FGF14: variants seen among roughly 807,000 people sequenced by gnomAD.
The protein encoded by FGF14 is fibroblast growth factor 14, also known as fibroblast growth factor homologous factor 4.
Under a neutral mutation model 25.5 loss-of-function variants are expected in FGF14, and 5 were observed. The observed-to-expected ratio is 0.20, with a 90% CI of 0.10 to 0.41. The LOEUF is 0.41. FGF14 is among the 10% of genes least tolerant of loss of function. The pLI, the probability that FGF14 is intolerant of heterozygous loss-of-function variation, is 1.00. For missense variants in FGF14, 222 were observed against 320.1 expected, an observed-to-expected ratio of 0.69 and a Z score of 2.34; for synonymous variants, 138 against 118.3, an observed-to-expected ratio of 1.17 and a Z score of -1.08.
chr13:102,200,134 AAC>A (rs368764603), intron 1 of FGF14, among the ~76,000 whole-genome samples: 5 of 152,108 alleles, frequency 3.3e-5, no homozygotes, highest in East Asian at 3.9e-4. Flanking sequence ...TGAAATTGTG[AAC>A]ACACACACAC....
intron 1 of FGF14, among the ~76,000 whole-genome samples, chr13:101,950,730 T>TTGCGCCACTGCAG (rs2036105780): frequency 6.7e-6 from 1 of 149,814 alleles, no homozygotes; most frequent in African/African-American, 2.5e-5. Flanking sequence ...GATCATCCTA[T>TTGCGCCACTGCAG]TAAACAGAAA....
At chr13:101,812,958 T>G (rs1291575424) in intron 3 of FGF14, among the ~76,000 whole-genome samples, 1 of 152,194 alleles carries the variant, frequency 6.6e-6, no homozygotes, top group South Asian at 2.1e-4. Context: ...TGAGCCACCA[T>G]GCCCAGCTAA....
chr13:102,234,666 G>A (rs952745486), intron 1 of FGF14, among the ~76,000 whole-genome samples: 6 of 152,164 alleles, frequency 3.9e-5, no homozygotes, highest in African/African-American at 1.4e-4. Context: ...TATCTTCACA[G>A]TGTTCAGAAT....
chr13:102,295,926 C>A lies in FGF14; in HGVS notation c.208+105545G>T, dbSNP rs532695072. 8.5e-5 allele frequency among the ~76,000 whole-genome samples: 13 copies of A among 152,152 alleles called. No homozygotes were observed. The South Asian group carries it at 2.5e-3, about 29-fold the overall frequency. ...ATAGATTCCTGAGTTCCCTATCCAT[C>A]CAAAATGGAGTTGAAAAATAAAGTC... On this transcript the variant is annotated intron_variant, in intron 1 of 4. Transcript: ENST00000376131.
chr13:102,008,605 C>CT (rs2039924848), intron 1 of FGF14, among the ~76,000 whole-genome samples: 1 of 152,088 alleles, frequency 6.6e-6, no homozygotes, highest in Non-Finnish European at 1.5e-5. Flanking sequence ...AATTGACAGC[C>CT]TTTAAATAAC....
intron 3 of FGF14, among the ~76,000 whole-genome samples, chr13:101,820,759 TACACACACACACCACACACCACACAC>T (rs2042077387): frequency 1.2e-5 from 1 of 84,694 alleles, no homozygotes; most frequent in Non-Finnish European, 3.1e-5. Flanking sequence ...ACAGCTACAG[TACACACACACACCACACACCACACAC>T]ACACACACAC....
At chr13:101,956,988 G>A (rs1344815798) in intron 1 of FGF14, among the ~76,000 whole-genome samples, 2 of 151,914 alleles carry the variant, frequency 1.3e-5, no homozygotes, top group African/African-American at 4.8e-5. Flanking sequence ...AGAGAATAAT[G>A]AGACCATAGC....
At chr13:101,803,056 C>T (rs1020366120) in intron 3 of FGF14, among the ~76,000 whole-genome samples, 1 of 151,482 alleles carries the variant, frequency 6.6e-6, no homozygotes, top group Non-Finnish European at 1.5e-5. Context: ...CCATTCTTTG[C>T]TCTGGACAAA....
At chr13:101,945,777 C>T (rs532140917) in intron 1 of FGF14, among the ~76,000 whole-genome samples, 28 of 152,322 alleles carry the variant, frequency 1.8e-4, no homozygotes, top group African/African-American at 4.1e-4. Flanking sequence ...TGCTGTGACA[C>T]GGCACACTTT....
chr13:101,900,605 T>C (rs1376386931), intron 1 of FGF14, among the ~76,000 whole-genome samples: 1 of 152,136 alleles, frequency 6.6e-6, no homozygotes, highest in Non-Finnish European at 1.5e-5. Flanking sequence ...ATCATTGATA[T>C]ATAGTTTTTT....
intron 1 of FGF14, among the ~76,000 whole-genome samples, chr13:102,107,778 G>A (rs577334109): frequency 2.6e-5 from 4 of 152,288 alleles, no homozygotes; most frequent in East Asian, 1.9e-4. Context: ...AGATGGAATC[G>A]CATGAGCAAA....
chr13:102,291,804 C>T (rs564215110), intron 1 of FGF14, among the ~76,000 whole-genome samples: 1 of 152,128 alleles, frequency 6.6e-6, no homozygotes, highest in East Asian at 1.9e-4. Flanking sequence ...CACCTCTGCC[C>T]TGACTCCTCC....
intron 1 of FGF14, among the ~76,000 whole-genome samples, chr13:101,883,933 TG>T (rs1160699508): frequency 6.7e-6 from 1 of 149,284 alleles, no homozygotes; most frequent in Non-Finnish European, 1.5e-5. Flanking sequence ...TGTGGTGGCA[TG>T]TGCCTGTAAT....
chr13:102,336,255 C>T (rs892063832), intron 1 of FGF14, among the ~76,000 whole-genome samples: 2 of 152,278 alleles, frequency 1.3e-5, no homozygotes, highest in South Asian at 4.1e-4. Context: ...AGTGCTACTC[C>T]AGCGAACACA....
intron 1 of FGF14, among the ~76,000 whole-genome samples, chr13:102,352,644 G>C (rs906792576): frequency 1.3e-5 from 2 of 151,888 alleles, no homozygotes; most frequent in Non-Finnish European, 2.9e-5. Context: ...AACCCCGTCT[G>C]TACTAAAAAT....
chr13:102,344,761 A>C (rs1255935900), intron 1 of FGF14, among the ~76,000 whole-genome samples: 1 of 152,340 alleles, frequency 6.6e-6, no homozygotes, highest in East Asian at 1.9e-4. Flanking sequence ...CTGGAGAAGA[A>C]GACTTAGAGT....
At position 102,290,167 on chromosome 13, in the gene FGF14, C is replaced by T. The variant is rs140658212; in HGVS notation, c.208+111304G>A. 7.6e-3 allele frequency among the ~76,000 whole-genome samples: 1,159 copies of T among 152,120 alleles called. 14 individuals are homozygous for T. The highest frequency in any genetic ancestry group is 0.025 in the African/African-American group (1,031 of 41,502). ...TCTAATCCCCAAGGTAATGGGATTA[C>T]GAAGTGAGATTTTTGGGAGGTGCTT... On this transcript the variant is annotated intron_variant, in intron 1 of 4. Transcript: ENST00000376131.
chr13:101,825,354 G>C lies in FGF14; in HGVS notation c.408+43371C>G, dbSNP rs138618612. Among the ~76,000 whole-genome samples, 9 of 152,282 alleles carry C rather than the reference G, an allele frequency of 5.9e-5. No homozygotes were observed. In the East Asian group the frequency reaches 1.5e-3, roughly 26 times the overall value. On this transcript the variant is annotated intron_variant, in intron 3 of 4. Coordinates refer to ENST00000376143, the MANE Select transcript of FGF14 (RefSeq NM_004115.4). Reference sequence around the variant, plus strand: ...GCATCAGAAGTAAAGATTCTTGAGAGTATACTAAGAGAAGAAATGGTTTGT... The same window carrying C: ...GCATCAGAAGTAAAGATTCTTGAGACTATACTAAGAGAAGAAATGGTTTGT...
chr13:101,767,116 C>A (rs942290208), intron 3 of FGF14, among the ~76,000 whole-genome samples: 1 of 152,112 alleles, frequency 6.6e-6, no homozygotes, highest in South Asian at 2.1e-4. Context: ...TCTGAATTAT[C>A]GTAGGCCTTT....
Sources: allele counts gnomAD v4.1 joint callset (sites outside exome capture counted in the v4.1 genomes callset), GRCh38; gene constraint gnomAD v4.1.1; transcripts MANE v1.5; gene names NCBI Gene and HGNC (gene_info 2026-07-23, HGNC 2026-07-21).